UBE2L3: variants seen among roughly 807,000 people sequenced by gnomAD.
The protein encoded by UBE2L3 is ubiquitin-conjugating enzyme E2 L3.
A neutral mutation model predicts 17.8 loss-of-function variants in UBE2L3; 1 was observed. That is an observed-to-expected ratio of 0.06 (90% CI 0.02 to 0.27). The LOEUF (loss-of-function observed/expected upper bound fraction) is 0.27. Ranked by LOEUF, UBE2L3 falls within the 10% of genes least tolerant of loss-of-function variation. UBE2L3 has a pLI of 1.00. For synonymous variants in UBE2L3, 44 were observed against 68.5 expected (o/e 0.64, Z 1.76); for missense variants, 40 against 192.6 (o/e 0.21, Z 4.69).
At chr22:21,591,307 C>T (rs2148421178) in intron 1 of UBE2L3, among the ~76,000 whole-genome samples, 1 of 152,340 alleles carries the variant, frequency 6.6e-6, no homozygotes, top group South Asian at 2.1e-4. Context: ...TGTGAGAAAT[C>T]CCTATGTTCA....
At chr22:21,611,909 TG>T (rs1929498850) in intron 3 of UBE2L3, among the ~76,000 whole-genome samples, 1 of 152,172 alleles carries the variant, frequency 6.6e-6, no homozygotes, top group Non-Finnish European at 1.5e-5. Context: ...TTAGGGGTGC[TG>T]CTCTAGGGTA....
chr22:21,564,118 G>A (rs1013102237), upstream of UBE2L3, among the ~76,000 whole-genome samples: 2 of 148,756 alleles, frequency 1.3e-5, no homozygotes, highest in Non-Finnish European at 1.5e-5. Context: ...TCACTGTAGT[G>A]TCACTCTCCC....
chr22:21,595,540 C>T (rs1316918800), intron 2 of UBE2L3, among the ~76,000 whole-genome samples: 2 of 152,158 alleles, frequency 1.3e-5, no homozygotes, highest in Non-Finnish European at 2.9e-5. Context: ...AGCCACCTAG[C>T]GATTGCCCTG....
At chr22:21,569,738 C>T (rs1436970794) in intron 1 of UBE2L3, among the ~76,000 whole-genome samples, 1 of 152,302 alleles carries the variant, frequency 6.6e-6, no homozygotes, top group South Asian at 2.1e-4. Context: ...ACTATTTTTC[C>T]AGCTTTTACT....
In UBE2L3 at chr22:21,569,430, A is replaced by G. The variant is rs131666; in HGVS notation, c.27+1659A>G. Among the ~76,000 whole-genome samples, 1,591 of 150,262 alleles carry G rather than the reference A, an allele frequency of 0.011. 66 individuals are homozygous for G. The South Asian group carries it at 0.11, about 11-fold the overall frequency. On this transcript the variant is annotated intron_variant, in intron 1 of 3. Transcript: ENST00000342192. ...AAAAAAAAAAAGATTTCTGGAGTGC[A>G]TGCCTTGCTTTCTAATGTTACTGAA...
chr22:21,573,675 C>G (rs1927106735), intron 1 of UBE2L3, among the ~76,000 whole-genome samples: 1 of 152,168 alleles, frequency 6.6e-6, no homozygotes, highest in Non-Finnish European at 1.5e-5. Flanking sequence ...GAGGTTGAGT[C>G]TCTCTCATCC....
chr22:21,587,692 A>G (rs5998599), intron 1 of UBE2L3, among the ~76,000 whole-genome samples: 31,277 of 152,176 alleles, frequency 0.21, 4,206 homozygotes, highest in East Asian at 0.51. Context: ...CTGTTCTCCC[A>G]TCTCCTCTCA....
chr22:21,580,211 G>A (rs1026041007), intron 1 of UBE2L3, among the ~76,000 whole-genome samples: 1 of 152,198 alleles, frequency 6.6e-6, no homozygotes, highest in African/African-American at 2.4e-5. Flanking sequence ...AGCAATTTCA[G>A]TGCAGGTTCT....
At chr22:21,612,999 A>G (rs1321892839) in intron 3 of UBE2L3, among the ~76,000 whole-genome samples, 1 of 152,166 alleles carries the variant, frequency 6.6e-6, no homozygotes. Flanking sequence ...CATTTGATCA[A>G]GAGTGTTCAG....
chr22:21,606,163 A>C (rs2148437021), intron 2 of UBE2L3, among the ~76,000 whole-genome samples: 1 of 152,378 alleles, frequency 6.6e-6, no homozygotes, highest in South Asian at 2.1e-4. Context: ...AGATGGCCTC[A>C]TTCATGCTTC....
intron 1 of UBE2L3, 107 bp downstream of exon 1, chr22:21,567,878 C>G (rs939709540): frequency 1.3e-6 from 2 of 1,541,860 alleles, no homozygotes; most frequent in Non-Finnish European, 1.7e-6. Flanking sequence ...GCTTCCTGCC[C>G]TACACGGCCT....
chr22:21,597,775 ATTTTTTTTTTTT>A lies in UBE2L3; in HGVS notation c.123+4840_123+4851del, dbSNP rs35054754. ...GGATCTTTGATCCATTTATATGTAGATTTTTTTTTTTTTTTTTTTTTTTTTTTTTTTTGAGAC... is the reference window on the plus strand; with the variant it reads ...GGATCTTTGATCCATTTATATGTAGATTTTTTTTTTTTTTTTTTTTGAGAC... On this transcript the variant is annotated intron_variant, in intron 2 of 3. Transcript: ENST00000342192. Among the ~76,000 whole-genome samples, 204 of 25,604 alleles carry A rather than the reference ATTTTTTTTTTTT, an allele frequency of 8.0e-3. 1 individual carries two copies. Among genetic ancestry groups the A allele is most frequent in the African/African-American group, 0.024 (155 of 6,512 alleles). The allele number at this position is 25,604 out of a possible 152,430, so 16.8% of individuals were successfully genotyped here.
intron 1 of UBE2L3, among the ~76,000 whole-genome samples, chr22:21,569,626 C>T (rs367735481): frequency 4.6e-5 from 7 of 152,312 alleles, no homozygotes. Flanking sequence ...TAACCTCTTA[C>T]TTGGCATGCA....
intron 2 of UBE2L3, among the ~76,000 whole-genome samples, chr22:21,605,351 G>C (rs1929097811): frequency 6.6e-6 from 1 of 152,188 alleles, no homozygotes; most frequent in African/African-American, 2.4e-5. Flanking sequence ...CTGAGTAGAT[G>C]TGATTACAGG....
upstream of UBE2L3, among the ~76,000 whole-genome samples, chr22:21,564,212 T>C (rs2148394372): frequency 6.6e-6 from 1 of 152,124 alleles, no homozygotes; most frequent in African/African-American, 2.4e-5. Flanking sequence ...TTTTTTATTT[T>C]TTGTTGAGAC....
chr22:21,607,436 A>G (rs1021977276), intron 2 of UBE2L3, among the ~76,000 whole-genome samples: 1 of 151,390 alleles, frequency 6.6e-6, no homozygotes, highest in East Asian at 1.9e-4. Flanking sequence ...AATTGCATGA[A>G]CCAGGGAGGC....
intron 2 of UBE2L3, among the ~76,000 whole-genome samples, chr22:21,610,420 A>G (rs1314222201): frequency 6.6e-6 from 1 of 152,212 alleles, no homozygotes; most frequent in Non-Finnish European, 1.5e-5. Flanking sequence ...GAGCCCTAAC[A>G]TAAACTAGGG....
At position 21,598,119 on chromosome 22, in the gene UBE2L3, CTT is replaced by C. The variant is rs200628558; in HGVS notation, c.123+5166_123+5167del. 0.013 allele frequency among the ~76,000 whole-genome samples: 1,888 copies of C among 149,684 alleles called. 97 individuals are homozygous for C. In the South Asian group the frequency reaches 0.13, roughly 10 times the overall value. ...CATTTCTTATTTTAATAATATGAGT[CTT>C]TTCTCTTTTTCCTTTTATCAGTCTA... On this transcript the variant is annotated intron_variant, in intron 2 of 3. Transcript: ENST00000342192.
intron 1 of UBE2L3, chr22:21,568,249 G>T: frequency 1.0e-6 from 1 of 987,510 alleles, no homozygotes; most frequent in Non-Finnish European, 1.2e-6. Flanking sequence ...CGGGAGTCTG[G>T]GAGGTTCGGG....
Sources: allele counts gnomAD v4.1 joint callset (sites outside exome capture counted in the v4.1 genomes callset), GRCh38; gene constraint gnomAD v4.1.1; transcripts MANE v1.5; gene names NCBI Gene and HGNC (gene_info 2026-07-23, HGNC 2026-07-21).